PHACTR3: variants seen among roughly 807,000 people sequenced by gnomAD.
PHACTR3 encodes phosphatase and actin regulator 3, also known as protein phosphatase 1, regulatory subunit 123.
In PHACTR3, 16 loss-of-function variants were observed where a neutral mutation model predicts 66.8. The ratio of observed to expected loss-of-function variants is 0.24; its 90% CI spans 0.16 to 0.36. The LOEUF is 0.36. PHACTR3 is among the 10% of genes least tolerant of loss of function. The pLI, the probability that PHACTR3 is intolerant of heterozygous loss-of-function variation, is 1.00. For missense variants in PHACTR3, 647 were observed against 719.9 expected (o/e 0.90, Z 1.16); for synonymous variants, 323 against 292.1 (o/e 1.11, Z -1.08).
At chr20:59,717,403 T>C (rs183698790) in intron 1 of PHACTR3, among the ~76,000 whole-genome samples, 1 of 152,254 alleles carries the variant, frequency 6.6e-6, no homozygotes, top group African/African-American at 2.4e-5. Context: ...ATTGGGATAC[T>C]GACACGGATG....
intron 1 of PHACTR3, among the ~76,000 whole-genome samples, chr20:59,692,261 G>A (rs938031064): frequency 6.6e-6 from 1 of 152,188 alleles, no homozygotes; most frequent in Non-Finnish European, 1.5e-5. Context: ...TGTACCCAAC[G>A]GGGCCACTGG....
At chr20:59,750,687 A>T (rs1378167989) in intron 3 of PHACTR3, among the ~76,000 whole-genome samples, 1 of 152,078 alleles carries the variant, frequency 6.6e-6, no homozygotes, top group Non-Finnish European at 1.5e-5. Context: ...AGTGGGTGGG[A>T]TCTGCGAGGA....
intron 1 of PHACTR3, among the ~76,000 whole-genome samples, chr20:59,624,004 G>T (rs2034358945): frequency 6.6e-6 from 1 of 152,160 alleles, no homozygotes; most frequent in African/African-American, 2.4e-5. Context: ...GAGAGGAAAT[G>T]GACCTGCTGG....
At chr20:59,796,887 ATC>A (rs1267746210) in intron 7 of PHACTR3, among the ~76,000 whole-genome samples, 1 of 152,206 alleles carries the variant, frequency 6.6e-6, no homozygotes, top group African/African-American at 2.4e-5. Flanking sequence ...CTGGATGTCC[ATC>A]TCTCTGCCAA....
chr20:59,638,112 C>G lies in PHACTR3; in HGVS notation c.118+32980C>G, dbSNP rs150219195. Reference sequence around the variant, plus strand: ...CTGCCTGAGTTCCTTGACACCTGCACCACTACCCCTCCTTCCACCAACCAG... The same window carrying G: ...CTGCCTGAGTTCCTTGACACCTGCAGCACTACCCCTCCTTCCACCAACCAG... On this transcript the variant is annotated intron_variant, in intron 1 of 12. Transcript: ENST00000371015. Among the ~76,000 whole-genome samples, 11 of 152,334 alleles carry G rather than the reference C, an allele frequency of 7.2e-5. No individual in the cohort carries two copies. In the East Asian group the frequency reaches 1.7e-3, roughly 24 times the overall value.
At chr20:59,822,064 C>T (rs1276747737) in intron 8 of PHACTR3, among the ~76,000 whole-genome samples, 2 of 91,428 alleles carry the variant, frequency 2.2e-5, no homozygotes, top group Non-Finnish European at 4.0e-5. Context: ...CCCAGCGATC[C>T]GCCCCGCAAC....
chr20:59,622,989 A>AAAAAAAAAAAAAAAAAAAAAAC (rs1325417969), intron 1 of PHACTR3, among the ~76,000 whole-genome samples: 2 of 141,392 alleles, frequency 1.4e-5, no homozygotes, highest in Admixed American at 1.6e-4. Flanking sequence ...ACCAAAAAAA[A>AAAAAAAAAAAAAAAAAAAAAAC]AAAAAAAAAA....
chr20:59,657,753 A>G (rs1229419827), intron 1 of PHACTR3, among the ~76,000 whole-genome samples: 1 of 151,976 alleles, frequency 6.6e-6, no homozygotes, highest in African/African-American at 2.4e-5. Flanking sequence ...TTGTTTCTCA[A>G]CATTTTGATT....
At chr20:59,783,547 T>C (rs1162969533) in intron 7 of PHACTR3, among the ~76,000 whole-genome samples, 1 of 151,964 alleles carries the variant, frequency 6.6e-6, no homozygotes, top group Non-Finnish European at 1.5e-5. Flanking sequence ...AGACAGCTGC[T>C]ATTACCGCTT....
At chr20:59,610,469 G>A (rs1313994940) in intron 1 of PHACTR3, among the ~76,000 whole-genome samples, 1 of 152,184 alleles carries the variant, frequency 6.6e-6, no homozygotes, top group Non-Finnish European at 1.5e-5. Context: ...TACCTCACTT[G>A]GTACTCCTGG....
In PHACTR3 at chr20:59,635,208, C is replaced by CT. The variant is rs1162114622; in HGVS notation, c.118+30076_118+30077insT. On this transcript the variant is annotated intron_variant, in intron 1 of 12. Coordinates refer to ENST00000371015, the MANE Select transcript of PHACTR3 (RefSeq NM_080672.5). ...TTTCTTTCTTTCTCTTTCTTTCTTT[C>CT]CTTCCTTCCTTCCTTCTTTCTTTCT... Among the ~76,000 whole-genome samples the CT allele has an allele frequency of 1.5e-4, 12 of 78,640 alleles. 1 individual carries two copies. The highest frequency in any genetic ancestry group is 3.8e-4 in the African/African-American group (8 of 20,912). 51.6% of individuals were successfully genotyped at this position (78,640 alleles called of 152,430 possible). A position where few individuals can be genotyped will look rare whatever the true frequency, so the allele number is the denominator to read the frequency against.
Position 59,699,090 on chromosome 20 carries a change from A to G in PHACTR3, c.119-44017A>G, listed in dbSNP as rs147997462. ...GGAGTGTTGTTGCTTCTTACTTTTT[A>G]TAAGCCCAGAAGATTCCAAGAACAG... On this transcript the variant is annotated intron_variant, in intron 1 of 12. Transcript: ENST00000371015. 2.9e-3 allele frequency among the ~76,000 whole-genome samples: 435 copies of G among 152,326 alleles called. 7 individuals are homozygous for G. The highest frequency in any genetic ancestry group is 9.9e-3 in the African/African-American group (412 of 41,570).
chr20:59,693,022 G>T (rs2037167491), intron 1 of PHACTR3, among the ~76,000 whole-genome samples: 1 of 152,126 alleles, frequency 6.6e-6, no homozygotes, highest in Admixed American at 6.5e-5. Flanking sequence ...CTTCTCTTTT[G>T]GTTTGGTTCG....
At chr20:59,795,133 A>G (rs1028853820) in intron 7 of PHACTR3, among the ~76,000 whole-genome samples, 4 of 151,874 alleles carry the variant, frequency 2.6e-5, no homozygotes, top group African/African-American at 9.7e-5. Flanking sequence ...TTGTTGTTGC[A>G]TGCTTCCTTG....
rs149511812 is a variant in PHACTR3 at position 59,659,430 on chromosome 20, T to C, written c.118+54298T>C. 1.5e-3 allele frequency among the ~76,000 whole-genome samples: 219 copies of C among 142,278 alleles called. 6 individuals are homozygous for C. In the East Asian group the frequency reaches 0.044, roughly 28 times the overall value. The allele number at this position is 142,278 out of a possible 152,430, so 93.3% of individuals were successfully genotyped here. ...GCTCTGTCACCAGGCTGGAGTCCAG[T>C]TGTGCAATCTCAGCTGACTGCAACC... is the stretch of plus-strand genomic sequence containing the variant. On this transcript the variant is annotated intron_variant, in intron 1 of 12. Transcript: ENST00000371015.
At chr20:59,846,678 A>T (rs2059154794) in intron 12 of PHACTR3, among the ~76,000 whole-genome samples, 2 of 152,038 alleles carry the variant, frequency 1.3e-5, no homozygotes, top group Non-Finnish European at 2.9e-5. Flanking sequence ...AGACCCTAAA[A>T]TTATTTCAAC....
At chr20:59,684,506 G>A (rs918547566) in intron 1 of PHACTR3, among the ~76,000 whole-genome samples, 4 of 152,214 alleles carry the variant, frequency 2.6e-5, no homozygotes, top group African/African-American at 7.2e-5. Flanking sequence ...TTTGCCTGGA[G>A]ATGGGAGTTG....
At chr20:59,779,637 G>C (rs997751089) in intron 7 of PHACTR3, among the ~76,000 whole-genome samples, 5 of 152,212 alleles carry the variant, frequency 3.3e-5, no homozygotes, top group Non-Finnish European at 7.3e-5. Context: ...CCTGTTGAGG[G>C]AGGTTTGGCA....
chr20:59,819,596 C>T (rs572792190), intron 8 of PHACTR3, among the ~76,000 whole-genome samples: 3 of 151,990 alleles, frequency 2.0e-5, no homozygotes, highest in Non-Finnish European at 2.9e-5. Flanking sequence ...CGGGACCCTG[C>T]AGATCCCACA....
Sources: allele counts gnomAD v4.1 joint callset (sites outside exome capture counted in the v4.1 genomes callset), GRCh38; gene constraint gnomAD v4.1.1; transcripts MANE v1.5; gene names NCBI Gene and HGNC (gene_info 2026-07-23, HGNC 2026-07-21).